TULP4: variants seen among roughly 807,000 people sequenced by gnomAD.
TULP4 encodes TUB like protein 4.
A neutral mutation model predicts 129.0 loss-of-function variants in TULP4; 16 were observed. The ratio of observed to expected loss-of-function variants is 0.12; its 90% CI spans 0.08 to 0.19. TULP4 has a LOEUF of 0.19. TULP4 is among the 10% of genes least tolerant of loss of function. The probability of loss-of-function intolerance (pLI) is 1.00; values close to 1 mark genes in which losing one functional copy is unlikely to be tolerated. For synonymous variants in TULP4, 998 were observed against 854.0 expected (o/e 1.17, Z -2.94); for missense variants, 1,842 against 2,059.1 (o/e 0.89, Z 2.04).
chr6:158,340,080 A>T (rs945962543), intron 1 of TULP4, among the ~76,000 whole-genome samples: 1 of 152,142 alleles, frequency 6.6e-6, no homozygotes, highest in African/African-American at 2.4e-5. Flanking sequence ...GTTGATGTGG[A>T]TCTGCTCGTG....
At chr6:158,237,949 T>C in intron 1 of TULP4, 1 of 728,040 alleles carries the variant, frequency 1.4e-6, no homozygotes. Flanking sequence ...AATTGCCTCC[T>C]CCCGCCCATA....
At chr6:158,407,024 G>T (rs573946354) in intron 1 of TULP4, among the ~76,000 whole-genome samples, 6 of 152,294 alleles carry the variant, frequency 3.9e-5, no homozygotes, top group Admixed American at 1.3e-4. Flanking sequence ...TTCATTCACA[G>T]ATTCTTGCCA....
At chr6:158,496,074 G>A (rs570617529) in intron 11 of TULP4, among the ~76,000 whole-genome samples, 5 of 152,286 alleles carry the variant, frequency 3.3e-5, no homozygotes, top group African/African-American at 1.2e-4. Flanking sequence ...CAGTAATGAC[G>A]TGAAAATGGC....
intron 1 of TULP4, among the ~76,000 whole-genome samples, chr6:158,340,002 G>A (rs1022423910): frequency 5.3e-5 from 8 of 152,128 alleles, no homozygotes; most frequent in Admixed American, 2.0e-4. Context: ...CTCTGTTCGG[G>A]GTCCCTGAGT....
At chr6:158,247,703 C>T (rs1562493738) in intron 1 of TULP4, among the ~76,000 whole-genome samples, 1 of 152,220 alleles carries the variant, frequency 6.6e-6, no homozygotes, top group Non-Finnish European at 1.5e-5. Context: ...TGCAACTGTG[C>T]CTTTCCACTA....
chr6:158,270,777 C>A (rs868709794), intron 1 of TULP4, among the ~76,000 whole-genome samples: 3 of 152,348 alleles, frequency 2.0e-5, no homozygotes, highest in Middle Eastern at 3.4e-3. Flanking sequence ...TTACTCCAGG[C>A]TTCCTTGTGC....
chr6:158,381,160 GT>G (rs57339398), intron 1 of TULP4, among the ~76,000 whole-genome samples: 13 of 148,654 alleles, frequency 8.7e-5, no homozygotes, highest in African/African-American at 7.4e-5. Context: ...CTTTATGGTT[GT>G]TTTTTTTTTT....
chr6:158,305,370 T>A (rs991734672), intron 1 of TULP4, among the ~76,000 whole-genome samples: 1 of 149,218 alleles, frequency 6.7e-6, no homozygotes, highest in Non-Finnish European at 1.5e-5. Flanking sequence ...TGTGTACATA[T>A]ACCACATTTT....
At chr6:158,365,748 G>A (rs1211495650) in intron 1 of TULP4, among the ~76,000 whole-genome samples, 1 of 151,788 alleles carries the variant, frequency 6.6e-6, no homozygotes, top group Non-Finnish European at 1.5e-5. Context: ...TGGGATTACA[G>A]GCATGAGCTA....
rs751594751 is a variant in TULP4 at position 158,503,025 on chromosome 6, C to G, written c.3362C>G (p.Pro1121Arg). 6.2e-7 allele frequency: 1 copy of G among 1,614,176 alleles called. No homozygotes were observed. The highest frequency in any genetic ancestry group is 1.1e-5 in the South Asian group (1 of 91,084). Residue 1121 changes from proline to arginine, a missense_variant, in exon 13 of 14, where the codon CCT (proline) becomes CGT (arginine). By Grantham distance (103) the Pro-to-Arg change is moderately radical. Around this residue, in one of 5 missense-constraint regions of TULP4, gnomAD observed 1,089 missense variants for 987.1 expected, o/e 1.10. Transcript: ENST00000367097. This position sits in a 1 kb window ranked among gnomAD's most constrained non-coding sequence, Gnocchi z 4.3. Reference sequence around the variant, plus strand: ...GCTGTCACCCTGAAACGGCCACCCCCTTACCAGTGGGACCCCATGCTGGGT... The same window carrying G: ...GCTGTCACCCTGAAACGGCCACCCCGTTACCAGTGGGACCCCATGCTGGGT... ...EAAVTLKRPP[P>R]YQWDPMLGED...
chr6:158,386,516 A>G (rs1457088970), intron 1 of TULP4, among the ~76,000 whole-genome samples: 2 of 152,152 alleles, frequency 1.3e-5, no homozygotes, highest in East Asian at 3.8e-4. Context: ...AATGTAATAA[A>G]TTTTCTTTTT....
intron 1 of TULP4, among the ~76,000 whole-genome samples, chr6:158,367,056 GA>G (rs11315725): frequency 0.47 from 71,033 of 149,926 alleles, 17,333 homozygotes; most frequent in African/African-American, 0.6. Flanking sequence ...CTTTTGGATT[GA>G]AAAAAAAAAA....
At chr6:158,376,435 C>T (rs1216434607) in intron 1 of TULP4, among the ~76,000 whole-genome samples, 1 of 152,278 alleles carries the variant, frequency 6.6e-6, no homozygotes, top group South Asian at 2.1e-4. Context: ...ATCCCCGGCT[C>T]CAAAGGCATA....
chr6:158,429,280 G>A (rs1395706420), intron 2 of TULP4, among the ~76,000 whole-genome samples: 8 of 152,152 alleles, frequency 5.3e-5, no homozygotes, highest in Admixed American at 3.3e-4. Context: ...CTAGGACTAC[G>A]GGCACGTGCC....
In TULP4 at chr6:158,423,128, G is replaced by T. The variant is rs539355198; in HGVS notation, c.382-6608G>T. 9.9e-5 allele frequency among the ~76,000 whole-genome samples: 15 copies of T among 151,372 alleles called. No individual in the cohort carries two copies. The East Asian group carries it at 1.2e-3, about 12-fold the overall frequency. On this transcript the variant is annotated intron_variant, in intron 2 of 13. Transcript: ENST00000367097. ...CCCTTCCTCCACAAAAAAGAGGGGG[G>T]GGGGGGGAAAGAAACCTTCCCAGGA...
At chr6:158,276,001 G>T (rs1025669457) in intron 1 of TULP4, among the ~76,000 whole-genome samples, 2 of 151,952 alleles carry the variant, frequency 1.3e-5, no homozygotes, top group Admixed American at 1.3e-4. Flanking sequence ...CGGCAGTCTT[G>T]CTCTGTCACT....
At chr6:158,491,452 T>TTTGTGGTG in intron 9 of TULP4, among the ~76,000 whole-genome samples, 1 of 28,354 alleles carries the variant, frequency 3.5e-5, no homozygotes, top group Non-Finnish European at 5.7e-5. Flanking sequence ...TTTTCTTTCT[T>TTTGTGGTG]TCTTTTCTTT....
At chr6:158,286,134 A>C (rs1167296660) in intron 1 of TULP4, among the ~76,000 whole-genome samples, 2 of 152,356 alleles carry the variant, frequency 1.3e-5, no homozygotes, top group East Asian at 3.9e-4. Flanking sequence ...AACTGCCATT[A>C]TCTGTTGCAA....
chr6:158,429,992 T>C, intron 3 of TULP4, 95 bp downstream of exon 3: 1 of 1,170,996 alleles, frequency 8.5e-7, no homozygotes, highest in South Asian at 2.2e-5. Context: ...TGCAAAAGCC[T>C]CTTTAAGAAT....
Sources: allele counts gnomAD v4.1 joint callset (sites outside exome capture counted in the v4.1 genomes callset), GRCh38; gene constraint gnomAD v4.1.1; regional missense constraint gnomAD v4.1.1; non-coding constraint Gnocchi (gnomAD v3.1); transcripts MANE v1.5; gene names NCBI Gene and HGNC (gene_info 2026-07-23, HGNC 2026-07-21).